FLT1: variants seen among roughly 807,000 people sequenced by gnomAD.
FLT1 encodes vascular endothelial growth factor receptor 1.
A neutral mutation model predicts 156.3 loss-of-function variants in FLT1; 49 were observed. That is an observed-to-expected ratio of 0.31 (90% CI 0.25 to 0.40). The LOEUF is 0.40. FLT1 is among the 10% of genes least tolerant of loss of function. The probability of loss-of-function intolerance (pLI) is 1.00; values close to 1 mark genes in which losing one functional copy is unlikely to be tolerated. For missense variants in FLT1, 1,322 were observed against 1,637.2 expected (o/e 0.81, Z 3.32); for synonymous variants, 594 against 583.8 (o/e 1.02, Z -0.25).
chr13:28,368,471 G>C, intron 14 of FLT1: 2 of 1,507,544 alleles, frequency 1.3e-6, no homozygotes, highest in South Asian at 2.6e-5. Context: ...TGTTATGATT[G>C]TCTTGGCTCT....
intron 10 of FLT1, among the ~76,000 whole-genome samples, chr13:28,412,330 T>TTTCTTTCTTTCCC (rs1476195337): frequency 6.5e-5 from 6 of 92,556 alleles, no homozygotes; most frequent in African/African-American, 2.1e-4. Context: ...TCTTTCTTTC[T>TTTCTTTCTTTCCC]TTTCTTTCTT....
intron 12 of FLT1, among the ~76,000 whole-genome samples, chr13:28,391,439 AG>A (rs760357553): frequency 6.6e-6 from 1 of 152,214 alleles, no homozygotes; most frequent in Non-Finnish European, 1.5e-5. Context: ...GAAACTCAAA[AG>A]AATGCAACCG....
chr13:28,444,613 T>C (rs183806204), intron 3 of FLT1, among the ~76,000 whole-genome samples: 3 of 152,170 alleles, frequency 2.0e-5, no homozygotes, highest in Non-Finnish European at 4.4e-5. Flanking sequence ...ATAGACCATA[T>C]GCTAGACCAT....
chr13:28,310,586 G>A (rs1870961050), intron 27 of FLT1, among the ~76,000 whole-genome samples: 2 of 152,166 alleles, frequency 1.3e-5, no homozygotes, highest in Admixed American at 6.5e-5. Flanking sequence ...TTTCGTGCAC[G>A]CCTAACTATC....
At chr13:28,374,364 A>T (rs558939325) in intron 14 of FLT1, among the ~76,000 whole-genome samples, 8 of 152,090 alleles carry the variant, frequency 5.3e-5, no homozygotes, top group African/African-American at 1.9e-4. Context: ...GCAGTGAGCC[A>T]CGATCATGTC....
At chr13:28,351,973 A>G (rs1872747607) in intron 15 of FLT1, among the ~76,000 whole-genome samples, 1 of 152,250 alleles carries the variant, frequency 6.6e-6, no homozygotes, top group African/African-American at 2.4e-5. Context: ...AGATTGGTAT[A>G]CCATCATTAG....
intron 25 of FLT1, among the ~76,000 whole-genome samples, chr13:28,315,753 T>C (rs551345728): frequency 5.3e-4 from 80 of 152,344 alleles, no homozygotes; most frequent in Non-Finnish European, 1.1e-3. Context: ...GAAGGACATA[T>C]TTAATTCAAA....
At chr13:28,427,639 G>A in intron 9 of FLT1, 113 bp downstream of exon 9, 1 of 967,230 alleles carries the variant, frequency 1.0e-6, no homozygotes, top group Non-Finnish European at 1.7e-6. Flanking sequence ...TTTTTCAAAT[G>A]ATTATTTGAA....
intron 11 of FLT1, among the ~76,000 whole-genome samples, chr13:28,397,749 C>CGTGTGTGTGT (rs35710786): frequency 3.1e-4 from 40 of 129,870 alleles, no homozygotes; most frequent in Non-Finnish European, 4.3e-4. Context: ...TGAAGGAGAC[C>CGTGTGTGTGT]GTGTGTGTGT....
intron 27 of FLT1, among the ~76,000 whole-genome samples, chr13:28,309,332 T>C (rs1458333728): frequency 6.6e-6 from 1 of 152,208 alleles, no homozygotes; most frequent in East Asian, 1.9e-4. Context: ...CTGGCATGGC[T>C]ACACGGCTAA....
chr13:28,317,195 C>T (rs1871245716), intron 25 of FLT1, among the ~76,000 whole-genome samples: 1 of 152,164 alleles, frequency 6.6e-6, no homozygotes, highest in Non-Finnish European at 1.5e-5. Flanking sequence ...GTTTGTTTTG[C>T]CTGGATTCAT....
At chr13:28,386,872 T>C in intron 13 of FLT1, 1 of 1,049,222 alleles carries the variant, frequency 9.5e-7, no homozygotes, top group Non-Finnish European at 1.2e-6. Flanking sequence ...CACTGAGTTA[T>C]ACTTTTAATA....
intron 11 of FLT1, chr13:28,398,982 G>A (rs1875250281): frequency 1.9e-6 from 2 of 1,052,544 alleles, no homozygotes; most frequent in South Asian, 1.4e-5. Context: ...TTTTTAAGAG[G>A]TGGGACATAA....
rs9550375 is a variant in FLT1, at chr13:28,466,295, T to C, written c.388+608A>G. 7.2e-5 allele frequency among the ~76,000 whole-genome samples: 11 copies of C among 152,302 alleles called. No homozygotes were observed. In the East Asian group the frequency reaches 1.9e-3, roughly 27 times the overall value. ...AAAAATTATGAATGAATGAAAATGA[T>C]TTTTTTACGAGTACCATAAAAAATG... is the stretch of plus-strand genomic sequence containing the variant. On this transcript the variant is annotated intron_variant, in intron 3 of 29. Transcript: ENST00000282397.
chr13:28,322,318 G>A lies in FLT1; in HGVS notation c.2995C>T (p.Leu999=). 6.2e-7 allele frequency: 1 copy of A among 1,613,564 alleles called. No individual in the cohort carries two copies. Among genetic ancestry groups the A allele is most frequent in the Non-Finnish European group, 8.5e-7 (1 of 1,179,472 alleles). ...GCCACTTGAAAACTGTAAGAAATCA[G>A]ATCTTCCATAGTGATGGGCTCCTTG... ...FYKEPITMED[L]ISYSFQVARG... is the part of the protein sequence containing the mutation. The change falls in exon 22 of 30, where the codon CTG becomes TTG. Residue 999 remains leucine, a synonymous_variant. Coordinates refer to ENST00000282397, the MANE Select transcript of FLT1 (RefSeq NM_002019.4). The surrounding 1 kb of genome is among the most constrained non-coding windows in gnomAD (Gnocchi z 4.3).
intron 6 of FLT1, among the ~76,000 whole-genome samples, chr13:28,432,088 A>G (rs1253982879): frequency 6.6e-6 from 1 of 152,146 alleles, no homozygotes; most frequent in Non-Finnish European, 1.5e-5. Context: ...TGTTTTGAGA[A>G]GACAAGATCA....
chr13:28,404,605 A>G (rs2137489162), intron 11 of FLT1, among the ~76,000 whole-genome samples: 1 of 152,358 alleles, frequency 6.6e-6, no homozygotes, highest in Non-Finnish European at 1.5e-5. Flanking sequence ...AATAGATGAC[A>G]TAAGCATACC....
In FLT1 at chr13:28,321,785, T is replaced by A. The variant is rs1871472315; in HGVS notation, c.3052-200A>T. Among the ~76,000 whole-genome samples, 3 of 152,192 alleles carry A rather than the reference T, an allele frequency of 2.0e-5. 1 individual carries two copies. Among genetic ancestry groups the A allele is most frequent in the Admixed American group, 2.0e-4 (3 of 15,284 alleles). On this transcript the variant is annotated intron_variant, in intron 22 of 29. Transcript: ENST00000282397. ...TCCCCAAGCCCTCAAAGTCAAGAAA[T>A]GGTCTGAATCCACTGGGCTACTATT...
intron 3 of FLT1, among the ~76,000 whole-genome samples, chr13:28,446,489 T>C (rs767398499): frequency 2.6e-5 from 4 of 152,234 alleles, no homozygotes; most frequent in South Asian, 2.1e-4. Context: ...AAATGAATTA[T>C]ATTCCTATAC....
Sources: allele counts gnomAD v4.1 joint callset (sites outside exome capture counted in the v4.1 genomes callset), GRCh38; gene constraint gnomAD v4.1.1; non-coding constraint Gnocchi (gnomAD v3.1); transcripts MANE v1.5; gene names NCBI Gene and HGNC (gene_info 2026-07-23, HGNC 2026-07-21).